The following C14orf132 variants were observed in gnomAD, a reference collection of about 807,000 sequenced individuals.
The protein encoded by C14orf132 is chromosome 14 open reading frame 132.
C14orf132 carries 6 observed loss-of-function variants against 5.8 expected under a neutral mutation model. The ratio of observed to expected loss-of-function variants is 1.03; its 90% CI spans 0.57 to 2.04. The LOEUF is 2.04. Among genes scored for constraint, C14orf132 ranks in the 30% most tolerant of loss-of-function variants. The probability of loss-of-function intolerance (pLI) is 0.00; values close to 1 mark genes in which losing one functional copy is unlikely to be tolerated. For missense variants in C14orf132, 125 were observed against 115.8 expected, an observed-to-expected ratio of 1.08 and a Z score of -0.37; for synonymous variants, 51 against 49.8, an observed-to-expected ratio of 1.02 and a Z score of -0.10.
chr14:96,084,941 G>A lies in C14orf132; in HGVS notation c.28-1570G>A, dbSNP rs142457737. ...AGGAGGCCACTGAGACTCAAGGCAGGCCAGAGAGCTTCTGAGCAGCAGCTG... is the reference window on the plus strand; with the variant it reads ...AGGAGGCCACTGAGACTCAAGGCAGACCAGAGAGCTTCTGAGCAGCAGCTG... On this transcript the variant is annotated intron_variant, in intron 1 of 1. Coordinates refer to ENST00000555004, the MANE Select transcript of C14orf132 (RefSeq NM_001252507.3). Among the ~76,000 whole-genome samples, 808 of 152,310 alleles carry A rather than the reference G, an allele frequency of 5.3e-3. 4 individuals carry two copies. Among genetic ancestry groups the A allele is most frequent in the African/African-American group, 0.019 (772 of 41,568 alleles).
intron 1 of C14orf132, among the ~76,000 whole-genome samples, chr14:96,047,339 G>A (rs142406974): frequency 6.6e-6 from 1 of 152,242 alleles, no homozygotes; most frequent in East Asian, 1.9e-4. Context: ...AAGAGAACTG[G>A]GACATCTGCA....
At chr14:96,061,031 C>T (rs1210837800) in intron 1 of C14orf132, among the ~76,000 whole-genome samples, 4 of 151,742 alleles carry the variant, frequency 2.6e-5, no homozygotes, top group African/African-American at 9.8e-5. Context: ...AAAGACAATG[C>T]CACGACCATC....
At position 96,087,606 on chromosome 14, in the gene C14orf132, G is replaced by A. The variant is rs45581531; in HGVS notation, c.*871G>A. The A allele has an allele frequency of 0.22, 34,144 of 151,976 alleles. 4,151 individuals are homozygous for A. Among genetic ancestry groups the A allele is most frequent in the Middle Eastern group, 0.36 (108 of 296 alleles). 9.4% of individuals were successfully genotyped at this position (151,976 alleles called of 1,614,324 possible). On this transcript the variant is annotated 3_prime_UTR_variant, in exon 2 of 2. Coordinates refer to ENST00000555004, the MANE Select transcript of C14orf132 (RefSeq NM_001252507.3). ...CACCAGGCAGGTTTGTGGAGGAGTC[G>A]GAACAGAAAGATGTGTCCTCACTCT...
At position 96,043,925 on chromosome 14, in the gene C14orf132, C is replaced by G. The variant is rs554797682; in HGVS notation, c.27+4398C>G. On this transcript the variant is annotated intron_variant, in intron 1 of 1. Transcript: ENST00000555004. The stretch of plus-strand genomic sequence containing the variant: ...GCCACACCTGCCAGAGGTGGGAAAC[C>G]TGTAGTTGAGGTGGGTGCCTTTATT... Among the ~76,000 whole-genome samples, 3 of 152,280 alleles carry G rather than the reference C, an allele frequency of 2.0e-5. No homozygotes were observed. The East Asian group carries it at 5.8e-4, about 29-fold the overall frequency.
chr14:96,067,816 G>A (rs1887577942), intron 1 of C14orf132, among the ~76,000 whole-genome samples: 1 of 152,100 alleles, frequency 6.6e-6, no homozygotes, highest in African/African-American at 2.4e-5. Context: ...TGCTCTTTGA[G>A]GGAAGAAAGC....
intron 1 of C14orf132, among the ~76,000 whole-genome samples, chr14:96,064,008 C>T (rs571192481): frequency 1.1e-4 from 17 of 152,020 alleles, no homozygotes; most frequent in Non-Finnish European, 4.4e-5. Flanking sequence ...AAATGCAAAT[C>T]GAAACCACAA....
chr14:96,050,123 T>C (rs937901537), intron 1 of C14orf132, among the ~76,000 whole-genome samples: 5 of 152,218 alleles, frequency 3.3e-5, no homozygotes, highest in Non-Finnish European at 5.9e-5. Flanking sequence ...TGGTTCATAT[T>C]TTCCTGCTGC....
At chr14:96,040,610 T>C (rs765533607) in intron 1 of C14orf132, among the ~76,000 whole-genome samples, 6 of 152,112 alleles carry the variant, frequency 3.9e-5, no homozygotes, top group Non-Finnish European at 5.9e-5. Flanking sequence ...ATCCAGACTG[T>C]GTGTGGACAG....
intron 1 of C14orf132, among the ~76,000 whole-genome samples, chr14:96,066,245 C>T (rs997092502): frequency 2.0e-5 from 3 of 152,168 alleles, no homozygotes; most frequent in African/African-American, 7.2e-5. Flanking sequence ...AGGACAAGGT[C>T]CCCAGGGCCC....
intron 1 of C14orf132, among the ~76,000 whole-genome samples, chr14:96,079,889 T>A (rs1887979674): frequency 6.6e-6 from 1 of 152,178 alleles, no homozygotes; most frequent in Non-Finnish European, 1.5e-5. Context: ...AGTTGTCAGA[T>A]GTAGCAAATA....
intron 1 of C14orf132, among the ~76,000 whole-genome samples, chr14:96,057,581 C>A (rs984318672): frequency 1.1e-4 from 17 of 152,102 alleles, no homozygotes; most frequent in African/African-American, 4.1e-4. Context: ...TCATTGAACC[C>A]CAGTGGCACA....
At chr14:96,042,526 C>G (rs542364212) in intron 1 of C14orf132, among the ~76,000 whole-genome samples, 1 of 152,308 alleles carries the variant, frequency 6.6e-6, no homozygotes, top group African/African-American at 2.4e-5. Context: ...TTCTTCTTCC[C>G]CATGTTGTTA....
intron 1 of C14orf132, among the ~76,000 whole-genome samples, chr14:96,057,511 G>T (rs1887217906): frequency 6.6e-6 from 1 of 152,214 alleles, no homozygotes; most frequent in Non-Finnish European, 1.5e-5. Flanking sequence ...CTGTCACTCT[G>T]TTCTGATGCT....
rs191583121 is a variant in C14orf132 at position 96,059,282 on chromosome 14, C to T, written c.27+19755C>T. ...CCTAGGCGACAGAATGAGACACTGT[C>T]AAAAAAACAAAACAAAATGAAAAAC... On this transcript the variant is annotated intron_variant, in intron 1 of 1. Coordinates refer to ENST00000555004, the MANE Select transcript of C14orf132 (RefSeq NM_001252507.3). 2.8e-3 allele frequency among the ~76,000 whole-genome samples: 419 copies of T among 152,034 alleles called. 1 individual carries two copies. Among genetic ancestry groups the T allele is most frequent in the Non-Finnish European group, 4.9e-3 (334 of 67,954 alleles).
intron 1 of C14orf132, among the ~76,000 whole-genome samples, chr14:96,061,605 C>T (rs1216632242): frequency 6.6e-6 from 1 of 152,056 alleles, no homozygotes; most frequent in African/African-American, 2.4e-5. Flanking sequence ...CCATCATGTG[C>T]CTTTGGGTGG....
rs61982726 is a variant in C14orf132, at chr14:96,049,659, G to T, written c.27+10132G>T. Among the ~76,000 whole-genome samples, 966 of 124,936 alleles carry T rather than the reference G, an allele frequency of 7.7e-3. 103 individuals are homozygous for T. The highest frequency in any genetic ancestry group is 0.012 in the Non-Finnish European group (720 of 58,548). The allele number at this position is 124,936 out of a possible 152,430, so 82.0% of individuals were successfully genotyped here. ...ATATACGTATATATATATATAGAGA[G>T]AGAGAGAGAGAGAGTTCTGTCTTCT... On this transcript the variant is annotated intron_variant, in intron 1 of 1. Transcript: ENST00000555004.
chr14:96,043,855 T>A (rs34445150), intron 1 of C14orf132, among the ~76,000 whole-genome samples: 8,950 of 152,266 alleles, frequency 0.059, 343 homozygotes, highest in East Asian at 0.15. Context: ...CAGAGTGACA[T>A]AGCCTTGGAA....
At chr14:96,048,142 C>G (rs1018831648) in intron 1 of C14orf132, among the ~76,000 whole-genome samples, 3 of 152,076 alleles carry the variant, frequency 2.0e-5, no homozygotes, top group African/African-American at 7.2e-5. Flanking sequence ...GAGCTGAGAT[C>G]GAGCCATTGC....
rs1888350526 is a variant in C14orf132 at position 96,090,390 on chromosome 14, CAAAAAAAAAAAAAAAGA to C, written c.*3659_*3675del. 1.0e-5 allele frequency: 2 copies of C among 199,744 alleles called. No homozygotes were observed. Among genetic ancestry groups the C allele is most frequent in the Non-Finnish European group, 1.8e-5 (2 of 113,042 alleles). 12.4% of individuals were successfully genotyped at this position (199,744 alleles called of 1,614,324 possible). ...TGGGCAACAGAACGAGACTCTGTCT[CAAAAAAAAAAAAAAAGA>C]AAAGAAAAAAAAAAAGAGCAACTTA... On this transcript the variant is annotated 3_prime_UTR_variant, in exon 2 of 2. Coordinates refer to ENST00000555004, the MANE Select transcript of C14orf132 (RefSeq NM_001252507.3).
Sources: gnomAD v4.1 joint callset for allele counts (sites outside exome capture counted in the v4.1 genomes callset) on GRCh38, gnomAD v4.1.1 for gene constraint, MANE v1.5 for transcripts, NCBI Gene and HGNC (gene_info 2026-07-23, HGNC 2026-07-21) for gene names.